The following FAM210A variants were observed in gnomAD, a reference collection of about 807,000 sequenced individuals.
The protein encoded by FAM210A is mitochondrial inner membrane scaffold 1, also known as family with sequence similarity 210 member A.
Under a neutral mutation model 25.3 loss-of-function variants are expected in FAM210A, and 13 were observed. The ratio of observed to expected loss-of-function variants is 0.51; its 90% CI spans 0.33 to 0.82. The LOEUF is 0.82. FAM210A is among the 40% of genes least tolerant of loss of function. The probability of loss-of-function intolerance (pLI) is 0.02; values close to 1 mark genes in which losing one functional copy is unlikely to be tolerated. For synonymous variants in FAM210A, 125 were observed against 118.7 expected, an observed-to-expected ratio of 1.05 and a Z score of -0.35; for missense variants, 319 against 323.2, an observed-to-expected ratio of 0.99 and a Z score of 0.10.
At position 13,665,381 on chromosome 18, in the gene FAM210A, C is replaced by CAA. The variant is rs56656145; in HGVS notation, c.*1097_*1098dup. The stretch of plus-strand genomic sequence containing the variant: ...GGAGAGAGAGAGGGAGGCTCCGTCT[C>CAA]AAAAAAAAAAAAAAAAAAAAAAAAA... On this transcript the variant is annotated 3_prime_UTR_variant, in exon 4 of 4. Coordinates refer to ENST00000651643, the MANE Select transcript of FAM210A (RefSeq NM_152352.4). 866 of 63,684 alleles carry CAA rather than the reference C, an allele frequency of 0.014. 63 individuals carry two copies. Among genetic ancestry groups the CAA allele is most frequent in the African/African-American group, 0.04 (782 of 19,442 alleles). 3.9% of individuals were successfully genotyped at this position (63,684 alleles called of 1,614,324 possible).
chr18:13,691,132 G>C (rs143947402), intron 1 of FAM210A, among the ~76,000 whole-genome samples: 1 of 152,110 alleles, frequency 6.6e-6, no homozygotes, highest in Non-Finnish European at 1.5e-5. Context: ...TAACCAATTT[G>C]ATCAAGTGGA....
intron 1 of FAM210A, among the ~76,000 whole-genome samples, chr18:13,694,877 T>A (rs965388723): frequency 4.6e-5 from 7 of 152,052 alleles, no homozygotes; most frequent in African/African-American, 1.7e-4. Context: ...GGGATCTAAT[T>A]AAACTAAAGA....
At chr18:13,695,431 G>A (rs912898758) in intron 1 of FAM210A, among the ~76,000 whole-genome samples, 9 of 152,012 alleles carry the variant, frequency 5.9e-5, no homozygotes, top group African/African-American at 9.7e-5. Flanking sequence ...TTATTGTGGC[G>A]CTATTCACAA....
chr18:13,723,455 T>C (rs535793994), intron 1 of FAM210A, among the ~76,000 whole-genome samples: 6 of 152,310 alleles, frequency 3.9e-5, no homozygotes, highest in African/African-American at 1.4e-4. Flanking sequence ...CTCACACAAC[T>C]GTAGGGGATA....
intron 1 of FAM210A, among the ~76,000 whole-genome samples, chr18:13,684,297 G>A (rs892586998): frequency 2.0e-5 from 3 of 152,126 alleles, no homozygotes; most frequent in South Asian, 2.1e-4. Flanking sequence ...TATTTGGGAG[G>A]CTGAGGCAGG....
At chr18:13,666,866 T>G (rs751202030) in intron 3 of FAM210A, among the ~76,000 whole-genome samples, 153 bp from the exon 4 acceptor site, 5 of 152,226 alleles carry the variant, frequency 3.3e-5, no homozygotes, top group Admixed American at 6.5e-5. Flanking sequence ...CCTATATGGT[T>G]TTCCCTCCTA....
intron 1 of FAM210A, among the ~76,000 whole-genome samples, chr18:13,683,031 T>C (rs1470348871): frequency 6.6e-6 from 1 of 152,190 alleles, no homozygotes; most frequent in African/African-American, 2.4e-5. Flanking sequence ...GTTCTGATGC[T>C]TTGGGGATAT....
intron 2 of FAM210A, among the ~76,000 whole-genome samples, chr18:13,673,374 C>A (rs529614077): frequency 6.6e-6 from 1 of 151,176 alleles, no homozygotes; most frequent in East Asian, 2.0e-4. Flanking sequence ...CATTCCTGAG[C>A]CCCGACTTCA....
chr18:13,681,904 T>C lies in FAM210A; in HGVS notation c.174A>G (p.Leu58=), dbSNP rs142125636. 9.7e-5 allele frequency: 156 copies of C among 1,614,122 alleles called. No individual in the cohort carries two copies. The highest frequency in any genetic ancestry group is 1.8e-4 in the Admixed American group (11 of 60,006). Residue 58 remains leucine (L), a synonymous_variant, in exon 2 of 4, where the codon TTA becomes TTG. Coordinates refer to ENST00000651643, the MANE Select transcript of FAM210A (RefSeq NM_152352.4). ...VQGPQKQWLH[L]SAAQCVAKER... ...CCTTTGCAACACACTGGGCAGCAGATAAATGCAACCATTGTTTTTGAGGGC... is the reference window on the plus strand; with the variant it reads ...CCTTTGCAACACACTGGGCAGCAGACAAATGCAACCATTGTTTTTGAGGGC...
At chr18:13,703,770 T>G (rs1225060989) in intron 1 of FAM210A, among the ~76,000 whole-genome samples, 1 of 152,212 alleles carries the variant, frequency 6.6e-6, no homozygotes, top group Non-Finnish European at 1.5e-5. Context: ...CTTAAACATT[T>G]TGAAAGAAAA....
chr18:13,703,720 TA>T (rs1399186413), intron 1 of FAM210A, among the ~76,000 whole-genome samples: 1 of 152,214 alleles, frequency 6.6e-6, no homozygotes, highest in Non-Finnish European at 1.5e-5. Flanking sequence ...AGCGTTTACG[TA>T]AAAAAGCTCT....
At chr18:13,682,291 G>A (rs2043561963) in intron 1 of FAM210A, among the ~76,000 whole-genome samples, 186 bp from the exon 2 acceptor site, 1 of 152,218 alleles carries the variant, frequency 6.6e-6, no homozygotes, top group Admixed American at 6.5e-5. Context: ...TAAAGGCCAG[G>A]TGTGGTTACT....
intron 1 of FAM210A, among the ~76,000 whole-genome samples, chr18:13,716,424 T>C (rs1344035224): frequency 1.3e-5 from 2 of 152,186 alleles, no homozygotes; most frequent in African/African-American, 2.4e-5. Flanking sequence ...GATGGGCATG[T>C]GACTTAGGGG....
At chr18:13,722,094 T>G (rs1389690774) in intron 1 of FAM210A, among the ~76,000 whole-genome samples, 3 of 151,972 alleles carry the variant, frequency 2.0e-5, no homozygotes, top group Admixed American at 2.0e-4. Context: ...AAAGCTTCCA[T>G]TCACTTGACC....
At chr18:13,682,514 T>C (rs894130732) in intron 1 of FAM210A, among the ~76,000 whole-genome samples, 12 of 149,958 alleles carry the variant, frequency 8.0e-5, no homozygotes, top group African/African-American at 3.0e-4. Context: ...GGTGCAGTGA[T>C]CTGAGATCGG....
intron 1 of FAM210A, among the ~76,000 whole-genome samples, chr18:13,693,609 T>C (rs530735756): frequency 2.6e-5 from 4 of 152,318 alleles, no homozygotes; most frequent in East Asian, 1.9e-4. Context: ...TCAATAAACA[T>C]AATCCATCAT....
Position 13,666,487 on chromosome 18 carries a change from A to C in FAM210A, c.812T>G (p.Val271Gly). 6.2e-7 allele frequency: 1 copy of C among 1,613,072 alleles called. No individual in the cohort carries two copies. Among genetic ancestry groups the C allele is most frequent in the South Asian group, 1.1e-5 (1 of 91,026 alleles). The stretch of plus-strand genomic sequence containing the variant: ...ACTGCTATATAAGGCACCTTATTCC[A>C]CTTTTTTCTTAAAGGAAACTTTTTC... Reference protein sequence around the residue: ...TKEKVSFKKKVE With the variant: ...TKEKVSFKKKGE Residue 271 changes from valine (V) to glycine (G), a missense_variant, in exon 4 of 4, where the codon GTG becomes GGG. Val to Gly is a moderately radical substitution (Grantham distance 109). Coordinates refer to ENST00000651643, the MANE Select transcript of FAM210A (RefSeq NM_152352.4).
At chr18:13,721,946 A>G (rs938276028) in intron 1 of FAM210A, among the ~76,000 whole-genome samples, 1 of 152,168 alleles carries the variant, frequency 6.6e-6, no homozygotes, top group Admixed American at 6.5e-5. Flanking sequence ...AATTAACGGT[A>G]TAAATTCTTA....
chr18:13,681,999 C>T lies in FAM210A; in HGVS notation c.79G>A (p.Gly27Arg), dbSNP rs780936180. The T allele has an allele frequency of 6.2e-6, 10 of 1,614,066 alleles. No homozygotes were observed. The highest frequency in any genetic ancestry group is 8.5e-6 in the Non-Finnish European group (10 of 1,180,014). Residue 27 changes from glycine to arginine, a missense_variant, in exon 2 of 4, where the codon GGA becomes AGA. Coordinates refer to ENST00000651643, the MANE Select transcript of FAM210A (RefSeq NM_152352.4). ...CLEPHNAGLF[G>R]HCQNVKGPLL... ...GGTCCCTTTACATTTTGACAGTGTC[C>T]AAAGAGACCAGCATTATGTGGTTCC...
Sources: gnomAD v4.1 joint callset for allele counts (sites outside exome capture counted in the v4.1 genomes callset) on GRCh38, gnomAD v4.1.1 for gene constraint, MANE v1.5 for transcripts, NCBI Gene and HGNC (gene_info 2026-07-23, HGNC 2026-07-21) for gene names.